EDEM2: variants seen among roughly 807,000 people sequenced by gnomAD.
EDEM2 encodes the protein ER degradation-enhancing alpha-mannosidase-like protein 2.
Under a neutral mutation model 64.8 loss-of-function variants are expected in EDEM2, and 39 were observed. The ratio of observed to expected loss-of-function variants is 0.60; its 90% CI spans 0.47 to 0.79. The LOEUF (loss-of-function observed/expected upper bound fraction) is 0.79, where lower values mean the gene tolerates loss of function less well. EDEM2 is among the 30% of genes least tolerant of loss of function. The pLI, the probability that EDEM2 is intolerant of heterozygous loss-of-function variation, is 0.00. For missense variants in EDEM2, 609 were observed against 731.3 expected (o/e 0.83, Z 1.93); for synonymous variants, 296 against 291.5 (o/e 1.02, Z -0.16).
intron 7 of EDEM2, 90 bp downstream of exon 7, chr20:35,131,552 C>A (rs2085505302): frequency 6.7e-7 from 1 of 1,503,516 alleles, no homozygotes. Flanking sequence ...GGAGATGGAG[C>A]AAGACTCTGT....
Position 35,123,962 on chromosome 20 carries a change from C to T in EDEM2, c.1042G>A (p.Gly348Arg). ...NYYTVWKQFG[G>R]LPEFYNIPQG... ...GGAATGTTGTAGAATTCCGGGAGCC[C>T]CCCAAACTGCTTCCATACAGTGTAG... Residue 348 changes from glycine to arginine, a missense_variant, in exon 9 of 11, where the codon GGG becomes AGG. By Grantham distance (125) the Gly-to-Arg change is moderately radical (BLOSUM62 -2). Coordinates refer to ENST00000374492, the MANE Select transcript of EDEM2 (RefSeq NM_018217.3). 6.2e-7 allele frequency: 1 copy of T among 1,614,150 alleles called. No individual in the cohort carries two copies. Among genetic ancestry groups the T allele is most frequent in the Non-Finnish European group, 8.5e-7 (1 of 1,180,008 alleles).
chr20:35,115,544 CTGGTCA>C lies in EDEM2; in HGVS notation c.1620_1625del (p.His540_Asp541del). On this transcript the variant is annotated inframe_deletion, in exon 11 of 11. Coordinates refer to ENST00000374492, the MANE Select transcript of EDEM2 (RefSeq NM_018217.3). ...GTTTGGCAGGCTTCCTCTCCCTTGC[CTGGTCA>C]TGGTTTTCTGGTGAGAAGAGTGTTC... is the stretch of plus-strand genomic sequence containing the variant. The C allele has an allele frequency of 6.2e-7, 1 of 1,614,108 alleles. No homozygotes were observed.
intron 1 of EDEM2, 51 bp from the exon 2 acceptor site, chr20:35,146,986 G>A (rs1490943220): frequency 8.8e-6 from 14 of 1,586,600 alleles, no homozygotes; most frequent in East Asian, 2.3e-5. Flanking sequence ...AAAAACAAGC[G>A]GGGGAAGAAC....
At chr20:35,134,004 C>A in intron 6 of EDEM2, 1 of 435,274 alleles carries the variant, frequency 2.3e-6, no homozygotes, top group South Asian at 1.7e-5. Flanking sequence ...AAGGCCAGGG[C>A]TTGAATCCAG....
intron 5 of EDEM2, 74 bp from the exon 6 acceptor site, chr20:35,135,023 TG>T: frequency 6.9e-7 from 1 of 1,457,558 alleles, no homozygotes; most frequent in Non-Finnish European, 9.5e-7. Flanking sequence ...GCCCAAAGCC[TG>T]GGACCTTAGC....
At chr20:35,143,492 C>T (rs1294519411) in intron 3 of EDEM2, among the ~76,000 whole-genome samples, 1 of 152,184 alleles carries the variant, frequency 6.6e-6, no homozygotes, top group African/African-American at 2.4e-5. Flanking sequence ...GACACAGTTG[C>T]GTAGCTGACC....
intron 7 of EDEM2, among the ~76,000 whole-genome samples, chr20:35,130,911 T>G (rs929173167): frequency 6.6e-6 from 1 of 152,198 alleles, no homozygotes; most frequent in African/African-American, 2.4e-5. Context: ...GAGTAAGGCA[T>G]GGATTCTGCA....
At position 35,115,567 on chromosome 20, in the gene EDEM2, A is replaced by G. The variant is rs2085297491; in HGVS notation, c.1603T>C (p.Phe535Leu). 1 of 1,614,132 alleles carries G rather than the reference A, an allele frequency of 6.2e-7. No individual in the cohort carries two copies. The highest frequency in any genetic ancestry group is 1.3e-5 in the African/African-American group (1 of 75,022). Residue 535 changes from phenylalanine to leucine, a missense_variant, in exon 11 of 11, where the codon TTC becomes CTC. By Grantham distance (22) the Phe-to-Leu change is conservative (BLOSUM62 0). Transcript: ENST00000374492. ...GCCTGGTCATGGTTTTCTGGTGAGA[A>G]GAGTGTTCCTGGCCTTGCTGGAGGT... ...WEPPARPGTL[F>L]SPENHDQARE...
In EDEM2 at chr20:35,134,992, A is replaced by G. The variant is rs762990139; in HGVS notation, c.491-43T>C. ...TATGATCCCGGACAGGAGCAGGGGG[A>G]TAGGGATAGTTCTGATACACGCCCA... On this transcript the variant is annotated intron_variant, in intron 5 of 10. Transcript: ENST00000374492. 4.4e-6 allele frequency: 7 copies of G among 1,595,780 alleles called. No individual in the cohort carries two copies. The South Asian group carries it at 7.7e-5, about 18-fold the overall frequency.
intron 9 of EDEM2, among the ~76,000 whole-genome samples, chr20:35,119,259 C>T (rs142962175): frequency 2.6e-5 from 4 of 152,202 alleles, no homozygotes; most frequent in African/African-American, 7.2e-5. Context: ...TCATAAGGCT[C>T]GTTCTAAGAT....
chr20:35,142,830 A>T (rs1438236713), intron 3 of EDEM2, among the ~76,000 whole-genome samples: 2 of 152,070 alleles, frequency 1.3e-5, no homozygotes, highest in Admixed American at 1.3e-4. Flanking sequence ...CAGTGGCGTG[A>T]TCTTGGCTCA....
chr20:35,125,227 G>T (rs1047369840), intron 8 of EDEM2, among the ~76,000 whole-genome samples: 16 of 146,488 alleles, frequency 1.1e-4, no homozygotes, highest in South Asian at 2.1e-4. Flanking sequence ...TTGAGACAGG[G>T]TCTCACTCTG....
intron 4 of EDEM2, among the ~76,000 whole-genome samples, chr20:35,140,175 G>GA (rs1402415056): frequency 6.6e-6 from 1 of 152,114 alleles, no homozygotes; most frequent in Non-Finnish European, 1.5e-5. Flanking sequence ...GACACGAAAA[G>GA]AAAAAATAGT....
intron 7 of EDEM2, among the ~76,000 whole-genome samples, chr20:35,131,145 T>C (rs546470305): frequency 6.6e-6 from 1 of 152,356 alleles, no homozygotes; most frequent in African/African-American, 2.4e-5. Context: ...CAGGGCTACA[T>C]ACACAGAATG....
intron 2 of EDEM2, 93 bp downstream of exon 2, chr20:35,146,732 A>T: frequency 7.4e-7 from 1 of 1,350,092 alleles, no homozygotes. Flanking sequence ...GGTGCCGGTG[A>T]GGAGACCATG....
intron 4 of EDEM2, among the ~76,000 whole-genome samples, chr20:35,139,436 C>T (rs1296441309): frequency 2.0e-5 from 3 of 150,600 alleles, no homozygotes; most frequent in Non-Finnish European, 2.9e-5. Flanking sequence ...ACTGCCTGAG[C>T]TCAGGAGTTC....
chr20:35,130,451 T>C (rs1169586363), intron 7 of EDEM2, among the ~76,000 whole-genome samples: 1 of 152,142 alleles, frequency 6.6e-6, no homozygotes, highest in Non-Finnish European at 1.5e-5. Flanking sequence ...TATAACAATA[T>C]ATGTTATAGA....
intron 9 of EDEM2, among the ~76,000 whole-genome samples, chr20:35,123,383 G>A (rs907483316): frequency 6.6e-6 from 1 of 152,056 alleles, no homozygotes; most frequent in Non-Finnish European, 1.5e-5. Flanking sequence ...ACCTGAGGCT[G>A]GGAGTTCAAG....
At chr20:35,133,930 C>T (rs2085540823) in intron 6 of EDEM2, among the ~76,000 whole-genome samples, 1 of 152,176 alleles carries the variant, frequency 6.6e-6, no homozygotes, top group Admixed American at 6.5e-5. Flanking sequence ...AACGTTACTG[C>T]TGAAGTAACT....
Sources: allele counts gnomAD v4.1 joint callset (sites outside exome capture counted in the v4.1 genomes callset), GRCh38; gene constraint gnomAD v4.1.1; transcripts MANE v1.5; gene names NCBI Gene and HGNC (gene_info 2026-07-23, HGNC 2026-07-21).